CD72: variants seen among roughly 807,000 people sequenced by gnomAD.
The protein encoded by CD72 is CD72 molecule.
Under a neutral mutation model 50.7 loss-of-function variants are expected in CD72, and 28 were observed. The observed-to-expected ratio is 0.55, with a 90% CI of 0.41 to 0.76. CD72 has a LOEUF of 0.76. Among genes scored for constraint, CD72 ranks in the 30% least tolerant of loss-of-function variants. The pLI is 0.00. For synonymous variants in CD72, 176 were observed against 171.2 expected (o/e 1.03, Z -0.22); for missense variants, 403 against 420.6 (o/e 0.96, Z 0.37).
At chr9:35,633,502 T>C (rs895520935) in intron 1 of CD72, among the ~76,000 whole-genome samples, 1 of 152,212 alleles carries the variant, frequency 6.6e-6, no homozygotes, top group Non-Finnish European at 1.5e-5. Context: ...CATAGTATTT[T>C]CATTCTTTTT....
chr9:35,617,015 G>C (rs1160353804), intron 3 of CD72, 161 bp downstream of exon 3: 4 of 1,453,358 alleles, frequency 2.8e-6, no homozygotes, highest in Non-Finnish European at 2.7e-6. Context: ...GGATTCAGGC[G>C]CACCGGATGA....
At position 35,616,187 on chromosome 9, in the gene CD72, C is replaced by T. The variant is rs779943883; in HGVS notation, c.444G>A (p.Thr148=). ...SLRQQLRLKI[T]QLGQSAEDLQ... ...GATCCTCTGCACTCTGTCCCAGCTG[C>T]GTTATCTTGAGGCGGAGCTGCTGCC... is the stretch of plus-strand genomic sequence containing the variant. Residue 148 remains threonine (T), a synonymous_variant, in exon 5 of 9, where the codon ACG becomes ACA. Transcript: ENST00000259633. The T allele has an allele frequency of 9.3e-6, 15 of 1,614,034 alleles. No homozygotes were observed. Among genetic ancestry groups the T allele is most frequent in the African/African-American group, 1.3e-5 (1 of 74,928 alleles).
intron 1 of CD72, among the ~76,000 whole-genome samples, chr9:35,640,394 G>A (rs923363319): frequency 9.8e-5 from 15 of 152,352 alleles, no homozygotes; most frequent in African/African-American, 3.4e-4. Context: ...CTGACTTGGG[G>A]TTCTTGGCCT....
intron 1 of CD72, among the ~76,000 whole-genome samples, chr9:35,636,163 A>T (rs1366941297): frequency 6.6e-6 from 1 of 152,082 alleles, no homozygotes; most frequent in Admixed American, 6.6e-5. Flanking sequence ...AGGTTGTTTA[A>T]CAGCATCCTT....
At chr9:35,629,125 C>T (rs1823221172) in intron 1 of CD72, among the ~76,000 whole-genome samples, 1 of 152,096 alleles carries the variant, frequency 6.6e-6, no homozygotes. Flanking sequence ...AATCTTCCTG[C>T]CTGGGCCTCC....
intron 1 of CD72, among the ~76,000 whole-genome samples, chr9:35,636,601 GGA>G (rs1823291837): frequency 6.6e-6 from 1 of 152,200 alleles, no homozygotes; most frequent in Admixed American, 6.5e-5. Flanking sequence ...GGCCAAAGAT[GGA>G]GAGACCCTGG....
upstream of CD72, among the ~76,000 whole-genome samples, chr9:35,620,025 G>A (rs1823130184): frequency 6.8e-6 from 1 of 146,072 alleles, no homozygotes; most frequent in Non-Finnish European, 1.5e-5. Context: ...GGCCCTGAGA[G>A]TGAGTGGGAG....
chr9:35,624,358 G>C (rs967293849), upstream of CD72, among the ~76,000 whole-genome samples: 1 of 151,998 alleles, frequency 6.6e-6, no homozygotes, highest in Admixed American at 6.6e-5. Context: ...ATCAGGATGA[G>C]TTTATCAAAT....
intron 4 of CD72, 42 bp from the exon 5 acceptor site, chr9:35,616,320 T>C: frequency 6.8e-7 from 1 of 1,467,774 alleles, no homozygotes; most frequent in Non-Finnish European, 9.4e-7. Context: ...TCTCCAGCCC[T>C]GCCCTAGTGC....
intron 1 of CD72, among the ~76,000 whole-genome samples, chr9:35,625,406 C>G (rs2131777574): frequency 6.6e-6 from 1 of 152,262 alleles, no homozygotes; most frequent in Non-Finnish European, 1.5e-5. Flanking sequence ...GAGGAGGCTG[C>G]AGAAGAAAAA....
intron 1 of CD72, among the ~76,000 whole-genome samples, chr9:35,644,920 G>T (rs1458862570): frequency 8.7e-6 from 1 of 115,266 alleles, no homozygotes; most frequent in Non-Finnish European, 1.9e-5. Flanking sequence ...AAAAAAAAAA[G>T]GCCGGGCGCG....
upstream of CD72, chr9:35,618,643 A>C: frequency 1.5e-6 from 1 of 646,300 alleles, no homozygotes; most frequent in Non-Finnish European, 2.4e-6. Flanking sequence ...GCTGGGCCCC[A>C]AACTCGGTCC....
At chr9:35,620,689 G>T (rs1174028398), upstream of CD72, among the ~76,000 whole-genome samples, 1 of 152,100 alleles carries the variant, frequency 6.6e-6, no homozygotes, top group Non-Finnish European at 1.5e-5. Context: ...AATTAGCTGA[G>T]AATGGTGGCA....
chr9:35,629,853 T>C (rs1823227410), intron 1 of CD72, among the ~76,000 whole-genome samples: 1 of 152,244 alleles, frequency 6.6e-6, no homozygotes, highest in South Asian at 2.1e-4. Context: ...GAGAGCTAGA[T>C]GTTCAGTTCC....
At chr9:35,620,802 A>C (rs1390933973), upstream of CD72, among the ~76,000 whole-genome samples, 1 of 152,136 alleles carries the variant, frequency 6.6e-6, no homozygotes, top group Non-Finnish European at 1.5e-5. Flanking sequence ...CCACAGAGTG[A>C]GACTCTGTCT....
At chr9:35,637,205 A>G (rs1823298584) in intron 1 of CD72, among the ~76,000 whole-genome samples, 2 of 152,160 alleles carry the variant, frequency 1.3e-5, no homozygotes, top group Non-Finnish European at 2.9e-5. Context: ...TCCCAAAACT[A>G]TAAAAACTAA....
rs762154751 is a variant in CD72 at position 35,618,330 on chromosome 9, G to A, written c.-27C>T. The A allele has an allele frequency of 2.5e-5, 40 of 1,613,678 alleles. No individual in the cohort carries two copies. Among genetic ancestry groups the A allele is most frequent in the Middle Eastern group, 1.6e-4 (1 of 6,082 alleles). ...GTCCTGAGCAGCTCTGCCCCCACTC[G>A]TCTTCCCTGTCATCCACTGTCCTCC... On this transcript the variant is annotated 5_prime_UTR_variant, in exon 1 of 9. It adds an upstream start codon to the 5' untranslated region. Coordinates refer to ENST00000259633, the MANE Select transcript of CD72 (RefSeq NM_001782.3).
At chr9:35,620,353 C>T (rs145601278), upstream of CD72, among the ~76,000 whole-genome samples, 8 of 152,058 alleles carry the variant, frequency 5.3e-5, no homozygotes, top group Middle Eastern at 0.01. Context: ...ACCTGTAGTC[C>T]CAGCTACTCA....
intron 1 of CD72, among the ~76,000 whole-genome samples, chr9:35,629,172 C>T (rs747337758): frequency 1.3e-5 from 2 of 152,124 alleles, no homozygotes; most frequent in Non-Finnish European, 2.9e-5. Context: ...CCACTGCGCC[C>T]GGCAGGCATC....
Sources: allele counts gnomAD v4.1 joint callset (sites outside exome capture counted in the v4.1 genomes callset), GRCh38; gene constraint gnomAD v4.1.1; transcripts MANE v1.5; gene names NCBI Gene and HGNC (gene_info 2026-07-23, HGNC 2026-07-21).